The following PGCKA1 variants were observed in gnomAD, a reference collection of about 807,000 sequenced individuals.
PGCKA1 encodes the protein PDCD10 and GCKIII kinases-associated protein 1.
At chr4:37,587,260 T>C in the PGCKA1 span, among the ~76,000 whole-genome samples, 1 of 152,146 alleles carries the variant, frequency 6.6e-6, no homozygotes, top group African/African-American at 2.4e-5. Flanking sequence ...CTAGGCAAAT[T>C]GTACCATCTG....
chr4:37,480,795 G>A, the PGCKA1 span, among the ~76,000 whole-genome samples: 1 of 152,234 alleles, frequency 6.6e-6, no homozygotes. Flanking sequence ...AGTTTGGAAT[G>A]TTTCTGGTTG....
the PGCKA1 span, among the ~76,000 whole-genome samples, chr4:37,535,457 G>T: frequency 6.6e-6 from 1 of 152,144 alleles, no homozygotes; most frequent in Non-Finnish European, 1.5e-5. Flanking sequence ...GCCATTTACA[G>T]ATGGAGTGGG....
chr4:37,466,917 G>A, the PGCKA1 span, among the ~76,000 whole-genome samples: 2 of 152,132 alleles, frequency 1.3e-5, no homozygotes, highest in African/African-American at 4.8e-5. Context: ...GATCAACATG[G>A]TGAAACCCCA....
chr4:37,590,930 C>T, the PGCKA1 span: 5 of 1,614,176 alleles, frequency 3.1e-6, no homozygotes, highest in South Asian at 4.4e-5. Context: ...GACGAGGATG[C>T]AGCGGTGGCG....
the PGCKA1 span, among the ~76,000 whole-genome samples, chr4:37,540,451 T>C: frequency 1.7e-4 from 26 of 152,352 alleles, 1 homozygote; most frequent in Middle Eastern, 6.8e-3. Flanking sequence ...CCGAATATGA[T>C]TGTGCTTTAG....
At chr4:37,590,993 C>T in the PGCKA1 span, 1 of 1,608,238 alleles carries the variant, frequency 6.2e-7, no homozygotes, top group Non-Finnish European at 8.5e-7. Context: ...TTGGATGAGA[C>T]TGATTAGGGG....
At chr4:37,545,076 G>A in the PGCKA1 span, among the ~76,000 whole-genome samples, 2 of 151,938 alleles carry the variant, frequency 1.3e-5, no homozygotes, top group Non-Finnish European at 2.9e-5. Context: ...GGCTGGTCTC[G>A]AACTCCTGAC....
chr4:37,563,746 C>T, the PGCKA1 span, among the ~76,000 whole-genome samples: 2 of 152,306 alleles, frequency 1.3e-5, no homozygotes, highest in African/African-American at 2.4e-5. Context: ...ATAAACTCCT[C>T]TCCACATGGC....
chr4:37,557,148 A>G, the PGCKA1 span, among the ~76,000 whole-genome samples: 1 of 152,238 alleles, frequency 6.6e-6, no homozygotes, highest in Non-Finnish European at 1.5e-5. Context: ...ACAAATCTGA[A>G]CACTTGTTTT....
chr4:37,527,097 TA>T, the PGCKA1 span, among the ~76,000 whole-genome samples: 1 of 132,512 alleles, frequency 7.5e-6, no homozygotes, highest in Non-Finnish European at 1.5e-5. Context: ...TTTTTTTAAT[TA>T]AAAAAAATTA....
chr4:37,495,910 GTTTA>G, the PGCKA1 span, among the ~76,000 whole-genome samples: 2 of 152,092 alleles, frequency 1.3e-5, no homozygotes, highest in Admixed American at 1.3e-4. Flanking sequence ...TAATGGGGTT[GTTTA>G]TTTTTCTTTT....
At chr4:37,564,226 A>T in the PGCKA1 span, among the ~76,000 whole-genome samples, 1 of 149,578 alleles carries the variant, frequency 6.7e-6, no homozygotes, top group Non-Finnish European at 1.5e-5. Context: ...GTGAGCCAAG[A>T]TGGCACCACT....
chr4:37,503,028 C>T, the PGCKA1 span, among the ~76,000 whole-genome samples: 3 of 152,134 alleles, frequency 2.0e-5, no homozygotes, highest in Non-Finnish European at 2.9e-5. Context: ...GGGGAATGGG[C>T]GTCCCTGGCC....
At chr4:37,562,829 T>C in the PGCKA1 span, among the ~76,000 whole-genome samples, 2 of 152,212 alleles carry the variant, frequency 1.3e-5, no homozygotes, top group African/African-American at 4.8e-5. Context: ...ACTTGGCACA[T>C]AATAGGTGCT....
chr4:37,591,053 G>C, the PGCKA1 span: 2 of 1,445,018 alleles, frequency 1.4e-6, no homozygotes, highest in Non-Finnish European at 1.9e-6. Context: ...GCATGCAGAT[G>C]CATTTGCTCC....
At chr4:37,543,240 A>G in the PGCKA1 span, among the ~76,000 whole-genome samples, 1 of 152,266 alleles carries the variant, frequency 6.6e-6, no homozygotes, top group African/African-American at 2.4e-5. Flanking sequence ...TCCACAGTGG[A>G]AGAAGCTACC....
At chr4:37,473,386 G>C in the PGCKA1 span, among the ~76,000 whole-genome samples, 1 of 147,570 alleles carries the variant, frequency 6.8e-6, no homozygotes, top group South Asian at 2.1e-4. Context: ...GTCATTGGAT[G>C]ATTGATTTAG....
At chr4:37,464,324 T>C in the PGCKA1 span, among the ~76,000 whole-genome samples, 15 of 152,178 alleles carry the variant, frequency 9.9e-5, no homozygotes, top group Admixed American at 9.8e-4. Context: ...GCTCTGCCAT[T>C]TGTTGTGGGA....
the PGCKA1 span, among the ~76,000 whole-genome samples, chr4:37,583,040 C>A: frequency 2.0e-5 from 3 of 152,140 alleles, no homozygotes; most frequent in South Asian, 6.2e-4. Context: ...TGTTCCCTTT[C>A]CCTTTATGTA....
Sources: gnomAD v4.1 joint callset for allele counts (sites outside exome capture counted in the v4.1 genomes callset) on GRCh38, gnomAD v4.1.1 for gene constraint, MANE v1.5 for transcripts, NCBI Gene and HGNC (gene_info 2026-07-23, HGNC 2026-07-21) for gene names.